Variants in DAB1 observed in about 807,000 individuals in gnomAD.
The protein encoded by DAB1 is DAB adaptor protein 1.
A neutral mutation model predicts 64.6 loss-of-function variants in DAB1; 15 were observed. The observed-to-expected ratio is 0.23, with a 90% CI of 0.16 to 0.36. The LOEUF is 0.36. DAB1 is among the 10% of genes least tolerant of loss of function. The pLI is 1.00. For missense variants in DAB1, 596 were observed against 706.7 expected, an observed-to-expected ratio of 0.84 and a Z score of 1.78; for synonymous variants, 235 against 251.9, an observed-to-expected ratio of 0.93 and a Z score of 0.64.
At chr1:57,368,913 C>G (rs1680275649) in intron 1 of DAB1, among the ~76,000 whole-genome samples, 1 of 152,116 alleles carries the variant, frequency 6.6e-6, no homozygotes, top group Non-Finnish European at 1.5e-5. Flanking sequence ...TCCAACCTCC[C>G]AGACCTATCA....
chr1:57,099,534 G>A, intron 4 of DAB1, among the ~76,000 whole-genome samples: 1 of 152,164 alleles, frequency 6.6e-6, no homozygotes, highest in East Asian at 1.9e-4. Flanking sequence ...GAAATAAACT[G>A]ATGAAGACAT....
At chr1:57,663,961 T>C (rs756947376) in intron 6 of DAB1, among the ~76,000 whole-genome samples, 2 of 152,190 alleles carry the variant, frequency 1.3e-5, no homozygotes, top group Non-Finnish European at 2.9e-5. Flanking sequence ...TGCTGAAGTC[T>C]TAGGGTTTAT....
At chr1:57,746,296 G>A (rs114197779) in intron 6 of DAB1, among the ~76,000 whole-genome samples, 35 of 151,994 alleles carry the variant, frequency 2.3e-4, no homozygotes, top group Middle Eastern at 3.4e-3. Flanking sequence ...GCTCTTTAAG[G>A]GTATATTATC....
chr1:57,273,426 C>T (rs1338435746), intron 2 of DAB1, among the ~76,000 whole-genome samples: 1 of 152,048 alleles, frequency 6.6e-6, no homozygotes, highest in Non-Finnish European at 1.5e-5. Context: ...ACAGGGAACT[C>T]CTCTGCTAAG....
chr1:58,300,726 G>A (rs987700049), intron 4 of DAB1, among the ~76,000 whole-genome samples: 3 of 148,916 alleles, frequency 2.0e-5, no homozygotes, highest in Non-Finnish European at 4.5e-5. Context: ...GAGAAAACTG[G>A]CAAGGAGAGA....
chr1:57,407,201 T>A (rs1028486256), intron 1 of DAB1, among the ~76,000 whole-genome samples: 2 of 152,150 alleles, frequency 1.3e-5, no homozygotes, highest in African/African-American at 2.4e-5. Context: ...GCCAGTAGGA[T>A]TTGGAGTAAA....
chr1:57,338,317 C>T (rs947755722), intron 1 of DAB1, among the ~76,000 whole-genome samples: 1 of 152,102 alleles, frequency 6.6e-6, no homozygotes, highest in Non-Finnish European at 1.5e-5. Context: ...TACCTTCCTT[C>T]TCCATTCCCC....
intron 1 of DAB1, among the ~76,000 whole-genome samples, chr1:57,834,029 C>G (rs1233436856): frequency 6.6e-6 from 1 of 151,990 alleles, no homozygotes; most frequent in Non-Finnish European, 1.5e-5. Flanking sequence ...ATCCTATTAA[C>G]CTATTTAAAA....
Position 58,033,807 on chromosome 1 carries a change from C to T in DAB1, n.387+116704G>A, listed in dbSNP as rs563958365. 4.6e-5 allele frequency among the ~76,000 whole-genome samples: 7 copies of T among 152,314 alleles called. No homozygotes were observed. The South Asian group carries it at 1.0e-3, about 23-fold the overall frequency. On this transcript the variant is annotated intron_variant and non_coding_transcript_variant, in intron 5 of 20. Coordinates refer to the DAB1 transcript ENST00000485760. ...ATAAACAAGGCATTGTTCCTCTACACTTAGAATCATCTTTTTTTTTAGGTT... is the reference window on the plus strand; with the variant it reads ...ATAAACAAGGCATTGTTCCTCTACATTTAGAATCATCTTTTTTTTTAGGTT...
At chr1:57,306,601 T>C (rs1674206677) in intron 1 of DAB1, among the ~76,000 whole-genome samples, 1 of 151,254 alleles carries the variant, frequency 6.6e-6, no homozygotes, top group Non-Finnish European at 1.5e-5. Flanking sequence ...AGGCTCCTTG[T>C]CTGTTCAGGC....
At chr1:57,161,956 T>C (rs1446114676) in intron 2 of DAB1, among the ~76,000 whole-genome samples, 1 of 152,254 alleles carries the variant, frequency 6.6e-6, no homozygotes, top group Non-Finnish European at 1.5e-5. Flanking sequence ...GACATGATTC[T>C]TATTGGCTGT....
intron 7 of DAB1, among the ~76,000 whole-genome samples, chr1:57,513,176 G>C (rs1644424975): frequency 6.7e-6 from 1 of 150,194 alleles, no homozygotes. Context: ...ATGATCCATT[G>C]AGCTCTCACT....
chr1:57,248,139 A>T (rs1345882710), intron 2 of DAB1, among the ~76,000 whole-genome samples: 2 of 152,214 alleles, frequency 1.3e-5, no homozygotes, highest in Non-Finnish European at 2.9e-5. Flanking sequence ...GTACACTTTA[A>T]ATCATCTCTA....
intron 2 of DAB1, among the ~76,000 whole-genome samples, chr1:57,210,086 T>A (rs1193242672): frequency 4.6e-5 from 7 of 152,196 alleles, no homozygotes; most frequent in Non-Finnish European, 1.0e-4. Flanking sequence ...TCTAGGATTA[T>A]TATGACAATT....
intron 2 of DAB1, among the ~76,000 whole-genome samples, chr1:57,236,122 C>T (rs1250481323): frequency 6.6e-6 from 1 of 152,144 alleles, no homozygotes; most frequent in African/African-American, 2.4e-5. Context: ...GGACTGGGTA[C>T]CCAAAGGCTT....
intron 3 of DAB1, among the ~76,000 whole-genome samples, chr1:58,481,772 G>A (rs1645487895): frequency 6.6e-6 from 1 of 152,114 alleles, no homozygotes; most frequent in Non-Finnish European, 1.5e-5. Context: ...TAAGTCTCAC[G>A]AGATCTGATG....
intron 1 of DAB1, among the ~76,000 whole-genome samples, chr1:57,404,895 G>A (rs1683510790): frequency 6.6e-6 from 1 of 152,044 alleles, no homozygotes; most frequent in Non-Finnish European, 1.5e-5. Context: ...TTTTTATTGT[G>A]AACAACTTTT....
chr1:58,277,303 G>C (rs1315056844), intron 4 of DAB1, among the ~76,000 whole-genome samples: 4 of 152,012 alleles, frequency 2.6e-5, no homozygotes, highest in Non-Finnish European at 4.4e-5. Context: ...GCCTCCCAAA[G>C]TGCTGGGATT....
intron 7 of DAB1, among the ~76,000 whole-genome samples, chr1:57,486,232 C>G (rs140292122): frequency 2.6e-5 from 4 of 152,168 alleles, no homozygotes; most frequent in Non-Finnish European, 5.9e-5. Context: ...TCTGGGACAT[C>G]GATATTGCCC....
Sources: allele counts gnomAD v4.1 joint callset (sites outside exome capture counted in the v4.1 genomes callset), GRCh38; gene constraint gnomAD v4.1.1; transcripts MANE v1.5; gene names NCBI Gene and HGNC (gene_info 2026-07-23, HGNC 2026-07-21).